Variants in DCLK2 observed in about 807,000 individuals in gnomAD.
DCLK2 encodes the protein serine/threonine-protein kinase DCLK2.
Under a neutral mutation model 78.4 loss-of-function variants are expected in DCLK2, and 31 were observed. The ratio of observed to expected loss-of-function variants is 0.40; its 90% CI spans 0.30 to 0.53. DCLK2 has a LOEUF of 0.53. DCLK2 is among the 20% of genes least tolerant of loss of function. DCLK2 has a pLI of 0.61. For synonymous variants in DCLK2, 407 were observed against 374.9 expected (o/e 1.09, Z -0.99); for missense variants, 872 against 973.7 (o/e 0.90, Z 1.39).
chr4:150,111,859 C>CCTTATAGTA lies in DCLK2; in HGVS notation c.756+9047_756+9048insCTTATAGTA, dbSNP rs1301737846. Among the ~76,000 whole-genome samples, 13 of 152,236 alleles carry CCTTATAGTA rather than the reference C, an allele frequency of 8.5e-5. No homozygotes were observed. In the South Asian group the frequency reaches 2.3e-3, roughly 27 times the overall value. On this transcript the variant is annotated intron_variant, in intron 2 of 15. Transcript: ENST00000296550. ...ATTATACCAGTACCATCCTGATTTG[C>CCTTATAGTA]TAACTGTAGCCTTATAGTATAATTT...
intron 2 of DCLK2, among the ~76,000 whole-genome samples, chr4:150,111,505 GT>G (rs1025161578): frequency 2.6e-5 from 4 of 152,012 alleles, no homozygotes; most frequent in Non-Finnish European, 2.9e-5. Flanking sequence ...TATTTATTTT[GT>G]TTTGTTTGCA....
At position 150,232,682 on chromosome 4, in the gene DCLK2, G is replaced by A. The variant is rs748898379; in HGVS notation, c.1420G>A (p.Gly474Ser). 2.2e-5 allele frequency: 36 copies of A among 1,613,620 alleles called. No individual in the cohort carries two copies. The East Asian group carries it at 7.4e-4, about 33-fold the overall frequency. The change falls in exon 10 of 16, where the codon GGT (glycine) becomes AGT (serine). Residue 474 changes from glycine to serine, a missense_variant and splice_region_variant. Gly to Ser is a moderately conservative substitution (Grantham distance 56). This residue lies in a region of DCLK2 where 86 missense variants were observed against 150.3 expected (regional missense o/e 0.57). Coordinates refer to ENST00000296550, the MANE Select transcript of DCLK2 (RefSeq NM_001040260.4). ...ATATGTTCTTTTATGTATCGTTTAG[G>A]GTGGAGATCTCTTTGATGCAATTAC... ...ELFLVMELVKGGDLFDAITSS... is the reference protein window; with the variant it reads ...ELFLVMELVKSGDLFDAITSS...
chr4:150,212,475 A>G (rs1407806919), intron 5 of DCLK2, among the ~76,000 whole-genome samples: 2 of 152,222 alleles, frequency 1.3e-5, no homozygotes, highest in African/African-American at 4.8e-5. Context: ...AGACTAGTTG[A>G]TAACCTTCAA....
intron 15 of DCLK2, among the ~76,000 whole-genome samples, chr4:150,250,880 A>AC (rs1743764501): frequency 6.7e-5 from 2 of 29,862 alleles, no homozygotes; most frequent in African/African-American, 1.3e-4. Flanking sequence ...CATCCCCCAC[A>AC]CTCCCCACAC....
intron 1 of DCLK2, among the ~76,000 whole-genome samples, chr4:150,091,121 C>G (rs1452770754): frequency 6.6e-6 from 1 of 152,144 alleles, no homozygotes; most frequent in African/African-American, 2.4e-5. Context: ...TTTTCTTACT[C>G]TGTATTTTTT....
chr4:150,162,085 C>T (rs186908587), intron 2 of DCLK2, among the ~76,000 whole-genome samples: 504 of 152,156 alleles, frequency 3.3e-3, no homozygotes, highest in African/African-American at 0.011. Flanking sequence ...GGCTGGAGTG[C>T]AGTTGTACAA....
intron 2 of DCLK2, among the ~76,000 whole-genome samples, chr4:150,111,692 A>G (rs532816872): frequency 5.3e-5 from 8 of 152,040 alleles, no homozygotes; most frequent in Admixed American, 1.3e-4. Context: ...TCATTCTTCT[A>G]CATGTGATTA....
At chr4:150,093,492 G>A (rs536528696) in intron 1 of DCLK2, among the ~76,000 whole-genome samples, 7 of 152,194 alleles carry the variant, frequency 4.6e-5, no homozygotes, top group Non-Finnish European at 8.8e-5. Flanking sequence ...AGCTATTCTC[G>A]TGCCTCAGTC....
intron 2 of DCLK2, among the ~76,000 whole-genome samples, chr4:150,169,679 G>T (rs1424644115): frequency 2.0e-5 from 3 of 151,126 alleles, no homozygotes; most frequent in Admixed American, 1.3e-4. Flanking sequence ...AAAAAGTGTG[G>T]TTCAGAGAGC....
At chr4:150,081,897 C>T (rs1297372106) in intron 1 of DCLK2, among the ~76,000 whole-genome samples, 3 of 148,982 alleles carry the variant, frequency 2.0e-5, no homozygotes, top group Non-Finnish European at 4.4e-5. Context: ...ACTCAGGAGG[C>T]TGAGACAGGA....
chr4:150,135,404 C>G (rs1264938664), intron 2 of DCLK2, among the ~76,000 whole-genome samples: 1 of 152,148 alleles, frequency 6.6e-6, no homozygotes, highest in East Asian at 1.9e-4. Context: ...GCCCTGAAGA[C>G]AAACGAGCAC....
Position 150,248,310 on chromosome 4 carries a change from A to G in DCLK2, c.1881A>G (p.Leu627=). 1 of 1,613,770 alleles carries G rather than the reference A, an allele frequency of 6.2e-7. No homozygotes were observed. The highest frequency in any genetic ancestry group is 8.5e-7 in the Non-Finnish European group (1 of 1,179,828). Residue 627 remains leucine, a synonymous_variant, in exon 14 of 16, where the codon TTA becomes TTG. Coordinates refer to ENST00000296550, the MANE Select transcript of DCLK2 (RefSeq NM_001040260.4). ...ACTTGTTTGTTTATTTGTAGGAATT[A>G]ATCAGTCAAATGCTTCAGGTAAATG... is the stretch of plus-strand genomic sequence containing the variant. ...WDNITDSAKE[L]ISQMLQVNVE...
At chr4:150,209,509 G>A (rs1031294245) in intron 5 of DCLK2, among the ~76,000 whole-genome samples, 3 of 152,042 alleles carry the variant, frequency 2.0e-5, no homozygotes, top group East Asian at 1.9e-4. Context: ...TGATTATTCC[G>A]AGCTATTCTA....
intron 1 of DCLK2, among the ~76,000 whole-genome samples, chr4:150,082,654 C>T (rs1346497597): frequency 1.3e-5 from 2 of 152,274 alleles, no homozygotes; most frequent in East Asian, 1.9e-4. Flanking sequence ...GGACCTCTTC[C>T]GGCAGGACTG....
intron 1 of DCLK2, among the ~76,000 whole-genome samples, chr4:150,089,042 A>G (rs891952935): frequency 2.6e-5 from 4 of 152,182 alleles, no homozygotes; most frequent in South Asian, 4.1e-4. Context: ...GAAAACATCA[A>G]TAATACTTGC....
chr4:150,157,439 C>G (rs192713750), intron 2 of DCLK2, among the ~76,000 whole-genome samples: 16 of 152,020 alleles, frequency 1.1e-4, no homozygotes, highest in Non-Finnish European at 2.1e-4. Context: ...GGACTACAAA[C>G]ATGTGCCACT....
At chr4:150,173,137 A>C (rs763679222) in intron 2 of DCLK2, among the ~76,000 whole-genome samples, 5 of 152,100 alleles carry the variant, frequency 3.3e-5, no homozygotes, top group Non-Finnish European at 7.4e-5. Context: ...TTTTGCTAAA[A>C]GTAGAGGGGT....
At chr4:150,085,775 T>C (rs28733182) in intron 1 of DCLK2, among the ~76,000 whole-genome samples, 58,108 of 152,032 alleles carry the variant, frequency 0.38, 11,341 homozygotes, top group Non-Finnish European at 0.42. Flanking sequence ...CCATATCTGT[T>C]AGCACCTTGA....
Position 150,102,742 on chromosome 4 carries a change from C to T in DCLK2, c.686C>T (p.Thr229Ile). The change falls in exon 2 of 16, where the codon ACA becomes ATA. Residue 229 changes from threonine to isoleucine, a missense_variant. Transcript: ENST00000296550. ...KTAHSFEQVLTDITEAIKLDS... is the reference protein window; with the variant it reads ...KTAHSFEQVLIDITEAIKLDS... ...GCTCATTCCTTTGAACAAGTCTTAA[C>T]AGATATCACCGAAGCCATTAAACTA... is the stretch of plus-strand genomic sequence containing the variant. The T allele has an allele frequency of 6.2e-7, 1 of 1,614,112 alleles. No homozygotes were observed. The highest frequency in any genetic ancestry group is 8.5e-7 in the Non-Finnish European group (1 of 1,180,014).
Sources: allele counts gnomAD v4.1 joint callset (sites outside exome capture counted in the v4.1 genomes callset), GRCh38; gene constraint gnomAD v4.1.1; regional missense constraint gnomAD v4.1.1; transcripts MANE v1.5; gene names NCBI Gene and HGNC (gene_info 2026-07-23, HGNC 2026-07-21).